Variants in SPMAP2L observed in about 807,000 individuals in gnomAD.
The protein encoded by SPMAP2L is sperm microtubule associated protein 2 like.
chr4:56,589,530 G>A, the SPMAP2L span, among the ~76,000 whole-genome samples: 1 of 152,086 alleles, frequency 6.6e-6, no homozygotes, highest in Non-Finnish European at 1.5e-5. Flanking sequence ...TGGCACTATG[G>A]TCGTTTTCAC....
the SPMAP2L span, among the ~76,000 whole-genome samples, chr4:56,587,840 G>A: frequency 6.6e-6 from 1 of 152,174 alleles, no homozygotes; most frequent in Admixed American, 6.5e-5. Flanking sequence ...ACCCAGCAGT[G>A]GGATTGCTGG....
chr4:56,531,246 C>T, the SPMAP2L span: 1 of 1,441,228 alleles, frequency 6.9e-7, no homozygotes, highest in Non-Finnish European at 9.1e-7. Context: ...CACCCACGCC[C>T]CATCTAGAAC....
chr4:56,594,007 G>A, the SPMAP2L span: 1 of 1,611,342 alleles, frequency 6.2e-7, no homozygotes, highest in Non-Finnish European at 8.5e-7. Context: ...AGGAGGTCTT[G>A]GGCAGGGCCG....
At chr4:56,607,995 G>GAAAA in the SPMAP2L span, among the ~76,000 whole-genome samples, 341 of 68,966 alleles carry the variant, frequency 4.9e-3, no homozygotes, top group East Asian at 7.6e-3. Context: ...CCTGTCTCAA[G>GAAAA]AAAAAAAAAA....
the SPMAP2L span, among the ~76,000 whole-genome samples, chr4:56,617,695 AC>A: frequency 0.034 from 5,115 of 151,772 alleles, 240 homozygotes; most frequent in African/African-American, 0.11. Flanking sequence ...GCTCATTTAG[AC>A]CCCCTTCCTT....
the SPMAP2L span, chr4:56,596,677 C>A: frequency 6.9e-7 from 1 of 1,454,496 alleles, no homozygotes; most frequent in Non-Finnish European, 9.0e-7. Flanking sequence ...TTTTTGGCTG[C>A]TCTTAGGATG....
the SPMAP2L span, among the ~76,000 whole-genome samples, chr4:56,600,097 C>CTTTTTTTTTTTTTTT: frequency 1.4e-4 from 12 of 87,804 alleles, 2 homozygotes; most frequent in African/African-American, 5.6e-4. Context: ...TCTTTGCTTT[C>CTTTTTTTTTTTTTTT]TTTTTTTTTT....
At chr4:56,543,875 TGAGAGAGAGA>T in the SPMAP2L span, among the ~76,000 whole-genome samples, 58 of 121,452 alleles carry the variant, frequency 4.8e-4, no homozygotes, top group African/African-American at 1.3e-3. Context: ...TAGCATATAT[TGAGAGAGAGA>T]GAGAGAGAGA....
chr4:56,565,898 T>C, the SPMAP2L span, among the ~76,000 whole-genome samples: 3 of 152,226 alleles, frequency 2.0e-5, no homozygotes, highest in Non-Finnish European at 2.9e-5. Flanking sequence ...CTACTTTGTC[T>C]GTTGTTAATA....
the SPMAP2L span, among the ~76,000 whole-genome samples, chr4:56,602,202 C>A: frequency 6.6e-6 from 1 of 152,086 alleles, no homozygotes; most frequent in Non-Finnish European, 1.5e-5. Context: ...GTTACCTTGA[C>A]GGATAACATC....
chr4:56,580,045 C>T, the SPMAP2L span, among the ~76,000 whole-genome samples: 1,041 of 152,228 alleles, frequency 6.8e-3, 14 homozygotes, highest in African/African-American at 0.024. Flanking sequence ...CTCAAAAAAT[C>T]AGACACTTTC....
the SPMAP2L span, among the ~76,000 whole-genome samples, chr4:56,617,644 TG>T: frequency 6.6e-6 from 1 of 152,142 alleles, no homozygotes; most frequent in Non-Finnish European, 1.5e-5. Flanking sequence ...GTGCTCTTTT[TG>T]TTTAGTTGTC....
At chr4:56,608,508 G>T in the SPMAP2L span, among the ~76,000 whole-genome samples, 1 of 152,176 alleles carries the variant, frequency 6.6e-6, no homozygotes, top group Non-Finnish European at 1.5e-5. Context: ...CAGAGTGCCA[G>T]GCCCTTGAGG....
chr4:56,540,487 G>A, the SPMAP2L span, among the ~76,000 whole-genome samples: 51 of 152,248 alleles, frequency 3.3e-4, no homozygotes, highest in African/African-American at 9.9e-4. Flanking sequence ...AGGATGCAGT[G>A]AGCCGAGATC....
chr4:56,548,542 A>G, the SPMAP2L span, among the ~76,000 whole-genome samples: 1 of 152,172 alleles, frequency 6.6e-6, no homozygotes, highest in African/African-American at 2.4e-5. Context: ...TGCCAGCTTT[A>G]ACTCTAGAAG....
At chr4:56,563,651 C>T in the SPMAP2L span, among the ~76,000 whole-genome samples, 2 of 152,224 alleles carry the variant, frequency 1.3e-5, no homozygotes, top group African/African-American at 4.8e-5. Context: ...CAATATATAA[C>T]TTTAGTAAAA....
chr4:56,572,998 A>G, the SPMAP2L span, among the ~76,000 whole-genome samples: 44,767 of 150,072 alleles, frequency 0.3, 9,619 homozygotes, highest in African/African-American at 0.61. Flanking sequence ...CCTGGGCGAC[A>G]GAGCAAGACT....
the SPMAP2L span, among the ~76,000 whole-genome samples, chr4:56,590,333 C>T: frequency 6.6e-6 from 1 of 152,208 alleles, no homozygotes; most frequent in South Asian, 2.1e-4. Flanking sequence ...TTAAACCATT[C>T]CTGCATCCCT....
the SPMAP2L span, among the ~76,000 whole-genome samples, chr4:56,609,396 G>A: frequency 1.3e-5 from 2 of 152,154 alleles, no homozygotes; most frequent in Non-Finnish European, 2.9e-5. Flanking sequence ...CACAGCTGGA[G>A]GGGGAGTTTG....
Sources: gnomAD v4.1 joint callset for allele counts (sites outside exome capture counted in the v4.1 genomes callset) on GRCh38, gnomAD v4.1.1 for gene constraint, MANE v1.5 for transcripts, NCBI Gene and HGNC (gene_info 2026-07-23, HGNC 2026-07-21) for gene names.